SLC66A2: variants seen among roughly 807,000 people sequenced by gnomAD.
SLC66A2 encodes PQ loop repeat containing 1.
In SLC66A2, 23 loss-of-function variants were observed where a neutral mutation model predicts 25.5. That is an observed-to-expected ratio of 0.90 (90% CI 0.65 to 1.28). The LOEUF (loss-of-function observed/expected upper bound fraction) is 1.28. SLC66A2 is among the 50% of genes most tolerant of loss of function. SLC66A2 has a pLI of 0.00. For synonymous variants in SLC66A2, 193 were observed against 166.5 expected (o/e 1.16, Z -1.23); for missense variants, 396 against 373.1 (o/e 1.06, Z -0.51).
At chr18:79,943,524 C>A in intron 2 of SLC66A2, 62 bp from the exon 3 acceptor site, 1 of 1,577,196 alleles carries the variant, frequency 6.3e-7, no homozygotes, top group South Asian at 1.2e-5. Flanking sequence ...CAGTCCCGAA[C>A]CTGCAGCGGG....
intron 4 of SLC66A2, chr18:79,930,161 A>G (rs1986418689): frequency 6.6e-6 from 1 of 152,244 alleles, no homozygotes; most frequent in Non-Finnish European, 1.5e-5. Flanking sequence ...CACAGTCTAA[A>G]TGATGAATGT....
rs933081241 is a variant in SLC66A2 at position 79,927,083 on chromosome 18, A to G, written c.391+6886T>C. ...CAAATCCCTGGTCCAGGCTCACCTG[A>G]CCTCCTGCAAGCTGCCCTTCAGGGC... On this transcript the variant is annotated intron_variant, in intron 4 of 5. Coordinates refer to ENST00000397778, the MANE Select transcript of SLC66A2 (RefSeq NM_025078.5). This position sits in a 1 kb window ranked among gnomAD's most constrained non-coding sequence, Gnocchi z 6.2. 6.6e-5 allele frequency among the ~76,000 whole-genome samples: 10 copies of G among 152,292 alleles called. No individual in the cohort carries two copies. The highest frequency in any genetic ancestry group is 2.2e-4 in the African/African-American group (9 of 41,558).
intron 3 of SLC66A2, among the ~76,000 whole-genome samples, chr18:79,934,692 C>G (rs1284940040): frequency 6.6e-6 from 1 of 152,208 alleles, no homozygotes; most frequent in African/African-American, 2.4e-5. Flanking sequence ...AGTGTGGCCT[C>G]TAGGTGGCTC....
At position 79,917,316 on chromosome 18, in the gene SLC66A2, G is replaced by A. The variant is rs561965733; in HGVS notation, c.608+1868C>T. 2.1e-4 allele frequency among the ~76,000 whole-genome samples: 32 copies of A among 152,296 alleles called. No individual in the cohort carries two copies. The highest frequency in any genetic ancestry group is 7.2e-4 in the African/African-American group (30 of 41,574). On this transcript the variant is annotated intron_variant, in intron 5 of 5. Coordinates refer to ENST00000397778, the MANE Select transcript of SLC66A2 (RefSeq NM_025078.5). The surrounding 1 kb of genome is among the most constrained non-coding windows in gnomAD (Gnocchi z 6.0). ...CAGCAAAACCTGCTACCCTGGAATC[G>A]AGAGCAACAGCTCCTGCCAAGCCTG...
rs1432355783 is a variant in SLC66A2 at position 79,927,505 on chromosome 18, C to CT, written c.391+6463dup. On this transcript the variant is annotated intron_variant, in intron 4 of 5. Coordinates refer to ENST00000397778, the MANE Select transcript of SLC66A2 (RefSeq NM_025078.5). The surrounding 1 kb of genome is among the most constrained non-coding windows in gnomAD (Gnocchi z 6.2). Reference sequence around the variant, plus strand: ...CTGCTGCAGAATGAGTATAAATGCCCTTCTTAGCCTTCGAGGCCGGCACTG... The same window carrying CT: ...CTGCTGCAGAATGAGTATAAATGCCCTTTCTTAGCCTTCGAGGCCGGCACTG... 1.3e-5 allele frequency among the ~76,000 whole-genome samples: 2 copies of CT among 152,214 alleles called. No homozygotes were observed. Among genetic ancestry groups the CT allele is most frequent in the Non-Finnish European group, 2.9e-5 (2 of 68,030 alleles).
chr18:79,928,065 G>A (rs1986181237), intron 4 of SLC66A2, among the ~76,000 whole-genome samples: 1 of 152,248 alleles, frequency 6.6e-6, no homozygotes. Context: ...GGACAGGTGA[G>A]AGAGGTGAGG....
At chr18:79,925,887 C>T (rs552142964) in intron 4 of SLC66A2, among the ~76,000 whole-genome samples, 44 of 152,292 alleles carry the variant, frequency 2.9e-4, no homozygotes, top group African/African-American at 9.6e-4. Context: ...CTCTGAGCTG[C>T]GTTCCCAGAC....
intron 5 of SLC66A2, among the ~76,000 whole-genome samples, chr18:79,916,265 G>A (rs1427718872): frequency 1.0e-5 from 1 of 100,316 alleles, no homozygotes; most frequent in Non-Finnish European, 2.2e-5. Context: ...TAGCCGCAGT[G>A]CTCCCGTACC....
At chr18:79,910,094 T>C in intron 5 of SLC66A2, among the ~76,000 whole-genome samples, 1 of 62,026 alleles carries the variant, frequency 1.6e-5, no homozygotes, top group African/African-American at 6.8e-5. Context: ...GTCTCCAACC[T>C]TCCCCACACC....
Position 79,934,010 on chromosome 18 carries a change from T to C in SLC66A2, c.350A>G (p.Lys117Arg), listed in dbSNP as rs1986831009. ...GGGGGCAACCTTGACTTCTTCATCC[T>C]TGCTATCTGCAGCTACACGTTAAAA... ...RRRSFTAADS[K>R]DEEVKVAPRR... The change falls in exon 4 of 6, where the codon AAG becomes AGG. Residue 117 changes from lysine (K) to arginine (R), a missense_variant. By Grantham distance (26) the Lys-to-Arg change is conservative. Transcript: ENST00000397778. 1.1e-5 allele frequency: 17 copies of C among 1,612,518 alleles called. 1 individual carries two copies. The South Asian group carries it at 1.5e-4, about 15-fold the overall frequency.
intron 4 of SLC66A2, among the ~76,000 whole-genome samples, chr18:79,924,327 G>A (rs778066172): frequency 1.3e-5 from 2 of 152,182 alleles, no homozygotes; most frequent in Non-Finnish European, 2.9e-5. Flanking sequence ...ACAGAAGCCA[G>A]ACACGGGAAC....
chr18:79,942,976 C>T (rs12458585), intron 3 of SLC66A2, among the ~76,000 whole-genome samples: 57,501 of 152,102 alleles, frequency 0.38, 12,697 homozygotes, highest in East Asian at 0.54. Context: ...CGCACACAGA[C>T]GAAACGCCTG....
chr18:79,909,413 C>A (rs1305105829), intron 5 of SLC66A2, among the ~76,000 whole-genome samples: 1 of 152,022 alleles, frequency 6.6e-6, no homozygotes, highest in Non-Finnish European at 1.5e-5. Context: ...CCACGATGTA[C>A]CCAACCTTCC....
chr18:79,928,437 C>A (rs951374762), intron 4 of SLC66A2, among the ~76,000 whole-genome samples: 2 of 152,194 alleles, frequency 1.3e-5, no homozygotes, highest in Non-Finnish European at 2.9e-5. Context: ...AGGTCAGAAA[C>A]AACAGAGGCA....
chr18:79,923,233 G>T (rs1228933963), intron 4 of SLC66A2, among the ~76,000 whole-genome samples: 1 of 132,110 alleles, frequency 7.6e-6, no homozygotes, highest in Non-Finnish European at 1.6e-5. Context: ...GGGTGGATGG[G>T]GGGGGGCCGT....
In SLC66A2 at chr18:79,919,147, G is replaced by A. The variant is rs1382855569; in HGVS notation, c.608+37C>T. 4 of 1,569,822 alleles carry A rather than the reference G, an allele frequency of 2.5e-6. No homozygotes were observed. The South Asian group carries it at 3.3e-5, about 13-fold the overall frequency. On this transcript the variant is annotated intron_variant, in intron 5 of 5. Transcript: ENST00000397778. ...AATCTGCAGCCATGTGGTGCCTCTG[G>A]AGCAGTGGTGCTTCCGTGGCGGCAT...
intron 4 of SLC66A2, among the ~76,000 whole-genome samples, chr18:79,923,670 T>C (rs927190979): frequency 3.9e-5 from 6 of 152,096 alleles, no homozygotes; most frequent in East Asian, 1.9e-4. Context: ...CTTCAAGACA[T>C]TGGATTTGTC....
chr18:79,928,313 T>A (rs1313989241), intron 4 of SLC66A2, among the ~76,000 whole-genome samples: 2 of 152,188 alleles, frequency 1.3e-5, no homozygotes, highest in South Asian at 4.1e-4. Flanking sequence ...ACACACCCCA[T>A]GGAGAATGCT....
At chr18:79,925,555 T>C (rs1340327662) in intron 4 of SLC66A2, among the ~76,000 whole-genome samples, 1 of 152,228 alleles carries the variant, frequency 6.6e-6, no homozygotes, top group East Asian at 1.9e-4. Flanking sequence ...CCTCAGAAGC[T>C]TCCGTCGCAC....
Sources: allele counts gnomAD v4.1 joint callset (sites outside exome capture counted in the v4.1 genomes callset), GRCh38; gene constraint gnomAD v4.1.1; non-coding constraint Gnocchi (gnomAD v3.1); transcripts MANE v1.5; gene names NCBI Gene and HGNC (gene_info 2026-07-23, HGNC 2026-07-21).